SPG11: variants seen among roughly 807,000 people sequenced by gnomAD.
SPG11 encodes the protein SPG11 vesicle trafficking associated, spatacsin.
SPG11 carries 222 observed loss-of-function variants against 274.0 expected under a neutral mutation model. That is an observed-to-expected ratio of 0.81 (90% CI 0.73 to 0.91). The LOEUF (loss-of-function observed/expected upper bound fraction) is 0.91. Among genes scored for constraint, SPG11 ranks in the 40% least tolerant of loss-of-function variants. The pLI, the probability that SPG11 is intolerant of heterozygous loss-of-function variation, is 0.00. For synonymous variants in SPG11, 1,144 were observed against 1,039.7 expected (o/e 1.10, Z -1.93); for missense variants, 3,114 against 2,872.7 (o/e 1.08, Z -1.92).
At chr15:44,595,131 C>T in intron 26 of SPG11, 128 bp downstream of exon 26, 1 of 947,432 alleles carries the variant, frequency 1.1e-6, no homozygotes, top group African/African-American at 1.6e-5. Context: ...AGTGGTACTT[C>T]TAATATTATC....
At position 44,652,073 on chromosome 15, in the gene SPG11, C is replaced by G. The variant is rs114629245; in HGVS notation, c.1007+56G>C. On this transcript the variant is annotated intron_variant, in intron 5 of 39. Transcript: ENST00000261866. The stretch of plus-strand genomic sequence containing the variant: ...AAAGACCTTTAATGAAAGGGTACAG[C>G]GTCAGCATGATAAAAAATAAGAACA... 3,055 of 1,605,264 alleles carry G rather than the reference C, an allele frequency of 1.9e-3. 42 individuals carry two copies. In the African/African-American group the frequency reaches 0.027, roughly 14 times the overall value.
chr15:44,615,473 A>G lies in SPG11; in HGVS notation c.2928T>C (p.Pro976=). ...RIGGVIQDTL[P]VQNYKTKEGW... ...CTTCTTTGGTCTTGTAGTTTTGAAC[A>G]GGGAGGGTATCCTGTATTACACCTC... The change falls in exon 16 of 40, where the codon CCT becomes CCC. Residue 976 remains proline, a synonymous_variant. Coordinates refer to ENST00000261866, the MANE Select transcript of SPG11 (RefSeq NM_025137.4). 1 of 1,614,124 alleles carries G rather than the reference A, an allele frequency of 6.2e-7. No individual in the cohort carries two copies. Among genetic ancestry groups the G allele is most frequent in the South Asian group, 1.1e-5 (1 of 91,086 alleles).
In SPG11 at chr15:44,633,489, T is replaced by A; in HGVS notation, c.1735+16A>T. 1 of 1,570,248 alleles carries A rather than the reference T, an allele frequency of 6.4e-7. No homozygotes were observed. Among genetic ancestry groups the A allele is most frequent in the Non-Finnish European group, 8.7e-7 (1 of 1,145,048 alleles). ...CAAATGATAAATACAAATGTAGAAA[T>A]CTTTATTCCACTTACTTCTTAAATA... On this transcript the variant is annotated intron_variant, in intron 8 of 39. Transcript: ENST00000261866.
chr15:44,572,929 T>C, intron 32 of SPG11, 109 bp from the exon 33 acceptor site: 3 of 1,080,208 alleles, frequency 2.8e-6, no homozygotes, highest in Admixed American at 1.7e-5. Flanking sequence ...AGCTCTCCGC[T>C]TGCTGAGCTT....
In SPG11 at chr15:44,563,120, TC is replaced by T; in HGVS notation, c.7332del (p.Ter2444=). The T allele has an allele frequency of 6.2e-7, 1 of 1,613,908 alleles. No individual in the cohort carries two copies. Among genetic ancestry groups the T allele is most frequent in the Non-Finnish European group, 8.5e-7 (1 of 1,179,888 alleles). On this transcript the variant is annotated frameshift_variant and stop_lost, in exon 40 of 40. Coordinates refer to ENST00000261866, the MANE Select transcript of SPG11 (RefSeq NM_025137.4). LOFTEE classifies it high-confidence loss of function. ...GCCLKDMLAG[*>X] ...AAGAAAACAGACACCTATGAAATCA[TC>T]TAACCTGCTAGCATGTCCTTTAGAC...
intron 12 of SPG11, 30 bp downstream of exon 12, chr15:44,622,698 T>C (rs767459285): frequency 3.3e-6 from 5 of 1,537,388 alleles, no homozygotes; most frequent in African/African-American, 2.7e-5. Flanking sequence ...TTCTAGAAAA[T>C]GTATACTATG....
chr15:44,658,025 A>T (rs1356657143), intron 3 of SPG11, among the ~76,000 whole-genome samples: 1 of 152,206 alleles, frequency 6.6e-6, no homozygotes, highest in Non-Finnish European at 1.5e-5. Flanking sequence ...ACCCTGTCTC[A>T]GGAGAAGAAA....
intron 38 of SPG11, 80 bp downstream of exon 38, chr15:44,565,774 C>CCTTACCTCTGGGTTCCATGAGTGGGA: frequency 1.9e-6 from 3 of 1,567,526 alleles, no homozygotes; most frequent in Non-Finnish European, 2.6e-6. Flanking sequence ...AGCCCTGAGA[C>CCTTACCTCTGGGTTCCATGAGTGGGA]CTTACCTCTG....
In SPG11 at chr15:44,648,881, G is replaced by A. The variant is rs1362756403; in HGVS notation, c.1587C>T (p.Pro529=). Residue 529 remains proline (P), a synonymous_variant, in exon 7 of 40, where the codon CCC becomes CCT. Transcript: ENST00000261866. Reference sequence around the variant, plus strand: ...ATTCTGTTACCTCTAGTGCATGTATGGGAATTGAGCACCTTCCCCAGCCAT... The same window carrying A: ...ATTCTGTTACCTCTAGTGCATGTATAGGAATTGAGCACCTTCCCCAGCCAT... ...HLNGWGRCSI[P]IHALEAGIEN... The A allele has an allele frequency of 7.4e-6, 12 of 1,614,110 alleles. No individual in the cohort carries two copies. The highest frequency in any genetic ancestry group is 1.0e-5 in the Non-Finnish European group (12 of 1,179,990).
At chr15:44,608,640 G>C (rs372978938) in intron 18 of SPG11, 35 bp from the exon 19 acceptor site, 89 of 1,603,088 alleles carry the variant, frequency 5.6e-5, no homozygotes, top group Non-Finnish European at 7.5e-5. Context: ...TTGGACAGTA[G>C]CATTTTTCTC....
intron 20 of SPG11, among the ~76,000 whole-genome samples, chr15:44,603,053 A>ATTT (rs988355401): frequency 7.6e-5 from 10 of 131,260 alleles, no homozygotes; most frequent in South Asian, 2.4e-4. Flanking sequence ...CCAACAGGCA[A>ATTT]TTTTTTTTTT....
intron 7 of SPG11, among the ~76,000 whole-genome samples, chr15:44,638,496 C>T (rs1484020452): frequency 8.7e-6 from 1 of 115,002 alleles, no homozygotes; most frequent in Non-Finnish European, 1.9e-5. Context: ...AAAAAAACCA[C>T]AAAACCCCCC....
intron 39 of SPG11, among the ~76,000 whole-genome samples, chr15:44,563,961 A>G (rs1399369671): frequency 6.6e-6 from 1 of 152,144 alleles, no homozygotes; most frequent in African/African-American, 2.4e-5. Flanking sequence ...GAGTAAGTTT[A>G]GTACTCCAAA....
chr15:44,642,097 T>G (rs976204960), intron 7 of SPG11, among the ~76,000 whole-genome samples: 38 of 151,940 alleles, frequency 2.5e-4, no homozygotes, highest in African/African-American at 8.7e-4. Flanking sequence ...CCAGGCATGG[T>G]GGCTCACACC....
At position 44,615,530 on chromosome 15, in the gene SPG11, A is replaced by C. The variant is rs760820546; in HGVS notation, c.2871T>G (p.Phe957Leu). Residue 957 changes from phenylalanine (F) to leucine (L), a missense_variant, in exon 16 of 40, where the codon TTT becomes TTG. By Grantham distance (22) the Phe-to-Leu change is conservative. Transcript: ENST00000261866. ...GGCTCAGTCTTAGGAGGAAGCATTCAAAGTCTTCCAGTTCAGATGCCAAAA... is the reference window on the plus strand; with the variant it reads ...GGCTCAGTCTTAGGAGGAAGCATTCCAAGTCTTCCAGTTCAGATGCCAAAA... ...GVFLASELED[F>L]ECFLLRLSRI... is the part of the protein sequence containing the mutation. The C allele has an allele frequency of 4.3e-6, 7 of 1,614,036 alleles. No homozygotes were observed. The highest frequency in any genetic ancestry group is 5.1e-6 in the Non-Finnish European group (6 of 1,180,024).
intron 4 of SPG11, among the ~76,000 whole-genome samples, chr15:44,652,549 C>T (rs1241276655): frequency 1.3e-5 from 2 of 152,272 alleles, no homozygotes; most frequent in East Asian, 1.9e-4. Context: ...CTTATTTAAG[C>T]CTCTAACAAC....
intron 6 of SPG11, among the ~76,000 whole-genome samples, chr15:44,650,743 G>C (rs570041989): frequency 1.3e-5 from 2 of 152,182 alleles, no homozygotes; most frequent in Admixed American, 6.5e-5. Context: ...AGTGTTGCCA[G>C]ATCTTACAAT....
chr15:44,587,024 A>C (rs1595847397), intron 28 of SPG11, among the ~76,000 whole-genome samples: 1 of 152,192 alleles, frequency 6.6e-6, no homozygotes, highest in African/African-American at 2.4e-5. Flanking sequence ...TGTCCCTTGG[A>C]AAGTATTAGT....
At chr15:44,652,374 A>G in intron 4 of SPG11, 108 bp from the exon 5 acceptor site, 1 of 1,205,040 alleles carries the variant, frequency 8.3e-7, no homozygotes, top group East Asian at 2.5e-5. Context: ...GGAATAGTAC[A>G]ACAAATTCCG....
Sources: allele counts gnomAD v4.1 joint callset (sites outside exome capture counted in the v4.1 genomes callset), GRCh38; gene constraint gnomAD v4.1.1; transcripts MANE v1.5; gene names NCBI Gene and HGNC (gene_info 2026-07-23, HGNC 2026-07-21).